The following SEMA3A variants were observed in gnomAD, a reference collection of about 807,000 sequenced individuals.
SEMA3A encodes semaphorin 3A, also known as semaphorin-3A.
Under a neutral mutation model 97.9 loss-of-function variants are expected in SEMA3A, and 29 were observed. That is an observed-to-expected ratio of 0.30 (90% CI 0.22 to 0.40). The LOEUF is 0.40. Ranked by LOEUF, SEMA3A falls within the 10% of genes least tolerant of loss-of-function variation. The pLI is 1.00. For missense variants in SEMA3A, 763 were observed against 951.3 expected, an observed-to-expected ratio of 0.80 and a Z score of 2.60; for synonymous variants, 321 against 323.7, an observed-to-expected ratio of 0.99 and a Z score of 0.09.
chr7:84,172,678 G>A (rs577636369), intron 1 of SEMA3A, among the ~76,000 whole-genome samples: 1 of 152,024 alleles, frequency 6.6e-6, no homozygotes, highest in South Asian at 2.1e-4. Flanking sequence ...TGCCTGCCTT[G>A]GCCTCCCAAA....
chr7:84,232,376 T>C (rs751748756), intron 3 of SEMA3A, among the ~76,000 whole-genome samples: 12 of 150,936 alleles, frequency 8.0e-5, no homozygotes, highest in Non-Finnish European at 1.6e-4. Context: ...GACAGGCTCA[T>C]GACTAGAATA....
At chr7:84,179,963 CTTTT>C (rs1215492615) in intron 1 of SEMA3A, among the ~76,000 whole-genome samples, 2 of 109,436 alleles carry the variant, frequency 1.8e-5, no homozygotes, top group Non-Finnish European at 3.7e-5. Flanking sequence ...CTTGACTGTT[CTTTT>C]TTTTTTTTTT....
chr7:84,072,538 G>T (rs75911251), intron 4 of SEMA3A, among the ~76,000 whole-genome samples: 19,141 of 151,962 alleles, frequency 0.13, 1,259 homozygotes, highest in South Asian at 0.15. Flanking sequence ...ATTTATTTTT[G>T]ATATGTTCAC....
intron 1 of SEMA3A, among the ~76,000 whole-genome samples, chr7:84,492,089 T>C (rs1198615097): frequency 6.6e-6 from 1 of 152,170 alleles, no homozygotes; most frequent in Non-Finnish European, 1.5e-5. Context: ...GAAGGGTATG[T>C]GCTTTAAAGA....
intron 2 of SEMA3A, among the ~76,000 whole-genome samples, chr7:84,362,379 T>C (rs1234323775): frequency 6.6e-6 from 1 of 152,048 alleles, no homozygotes; most frequent in Admixed American, 6.6e-5. Context: ...TGTTCAACGA[T>C]TGTTAATTTT....
At chr7:84,214,733 C>T (rs1203028836) in intron 3 of SEMA3A, among the ~76,000 whole-genome samples, 4 of 147,378 alleles carry the variant, frequency 2.7e-5, no homozygotes, top group African/African-American at 5.0e-5. Flanking sequence ...GAGTCTTGCA[C>T]TGTCGCCCAG....
At chr7:84,313,346 ATG>A (rs372160973) in intron 2 of SEMA3A, among the ~76,000 whole-genome samples, 358 of 33,170 alleles carry the variant, frequency 0.011, 8 homozygotes, top group South Asian at 0.019. Context: ...ATATATGTAT[ATG>A]TGTGTGTGTA....
At chr7:84,246,527 A>G (rs942929656) in intron 3 of SEMA3A, among the ~76,000 whole-genome samples, 1 of 152,214 alleles carries the variant, frequency 6.6e-6, no homozygotes, top group African/African-American at 2.4e-5. Flanking sequence ...ATATAGTTAC[A>G]CAATCTCTGA....
At chr7:84,479,320 C>T (rs1450091669) in intron 1 of SEMA3A, among the ~76,000 whole-genome samples, 1 of 152,104 alleles carries the variant, frequency 6.6e-6, no homozygotes, top group Non-Finnish European at 1.5e-5. Flanking sequence ...GTCTATCAAT[C>T]AGTTCTAGCT....
At chr7:84,236,214 T>C (rs1799233558) in intron 3 of SEMA3A, among the ~76,000 whole-genome samples, 1 of 152,132 alleles carries the variant, frequency 6.6e-6, no homozygotes, top group African/African-American at 2.4e-5. Context: ...TTCCTCTTCC[T>C]CCTGTCTTTT....
chr7:84,052,948 T>G (rs1283974345), intron 5 of SEMA3A, among the ~76,000 whole-genome samples: 1 of 151,674 alleles, frequency 6.6e-6, no homozygotes, highest in African/African-American at 2.4e-5. Flanking sequence ...ACATCTTTAT[T>G]TCTGCCTTCA....
chr7:84,217,165 C>T (rs940684361), intron 3 of SEMA3A, among the ~76,000 whole-genome samples: 8 of 152,144 alleles, frequency 5.3e-5, no homozygotes, highest in African/African-American at 1.9e-4. Context: ...ATGGTTAACG[C>T]AGAAAGGAAT....
intron 6 of SEMA3A, among the ~76,000 whole-genome samples, chr7:84,024,959 C>T (rs909475780): frequency 3.3e-5 from 5 of 151,808 alleles, no homozygotes; most frequent in African/African-American, 7.3e-5. Flanking sequence ...TGGTGGTGGG[C>T]GCCTGTGGAC....
intron 1 of SEMA3A, among the ~76,000 whole-genome samples, chr7:84,447,768 T>A (rs1805456471): frequency 6.6e-6 from 1 of 152,090 alleles, no homozygotes; most frequent in Admixed American, 6.6e-5. Flanking sequence ...TTGAAACGGC[T>A]CCCCCAACGC....
At chr7:84,433,926 T>C (rs941734948) in intron 1 of SEMA3A, among the ~76,000 whole-genome samples, 1 of 151,828 alleles carries the variant, frequency 6.6e-6, no homozygotes, top group Non-Finnish European at 1.5e-5. Context: ...TGGGTTTGTG[T>C]TTTTTTTGTA....
chr7:84,175,525 C>CA (rs1182402405), intron 1 of SEMA3A, among the ~76,000 whole-genome samples: 1 of 152,122 alleles, frequency 6.6e-6, no homozygotes, highest in East Asian at 1.9e-4. Flanking sequence ...GGTTCACCAC[C>CA]AGGAGGTATA....
chr7:84,317,234 T>C (rs1411557305), intron 2 of SEMA3A, among the ~76,000 whole-genome samples: 3 of 152,208 alleles, frequency 2.0e-5, no homozygotes, highest in African/African-American at 4.8e-5. Flanking sequence ...TGATTGTTAG[T>C]ACAGTAAAAC....
At chr7:84,153,429 G>C (rs1381949813) in intron 1 of SEMA3A, among the ~76,000 whole-genome samples, 1 of 152,134 alleles carries the variant, frequency 6.6e-6, no homozygotes, top group Non-Finnish European at 1.5e-5. Flanking sequence ...CACTGCAGCA[G>C]AGTTATTACT....
chr7:84,237,182 T>C (rs1197207864), intron 3 of SEMA3A, among the ~76,000 whole-genome samples: 1 of 152,086 alleles, frequency 6.6e-6, no homozygotes, highest in African/African-American at 2.4e-5. Flanking sequence ...GAAAACAAAA[T>C]GTGTTTAATT....
Sources: allele counts gnomAD v4.1 joint callset (sites outside exome capture counted in the v4.1 genomes callset), GRCh38; gene constraint gnomAD v4.1.1; transcripts MANE v1.5; gene names NCBI Gene and HGNC (gene_info 2026-07-23, HGNC 2026-07-21).